Variants in PROS1 observed in about 807,000 individuals in gnomAD.
PROS1 encodes the protein vitamin K-dependent protein S.
A neutral mutation model predicts 75.9 loss-of-function variants in PROS1; 29 were observed. The ratio of observed to expected loss-of-function variants is 0.38; its 90% CI spans 0.28 to 0.52. The LOEUF is 0.52. Ranked by LOEUF, PROS1 falls within the 20% of genes least tolerant of loss-of-function variation. The pLI is 0.83. For missense variants in PROS1, 680 were observed against 810.3 expected (o/e 0.84, Z 1.95); for synonymous variants, 245 against 280.6 (o/e 0.87, Z 1.27).
chr3:93,928,864 T>C (rs1576199605), intron 1 of PROS1: 3 of 604,614 alleles, frequency 5.0e-6, no homozygotes, highest in East Asian at 1.4e-4. Flanking sequence ...GAAATAAACA[T>C]TATAAAGTGT....
Position 93,879,280 on chromosome 3 carries a change from A to G in PROS1, c.1527T>C (p.Asn509=). 1 of 1,614,084 alleles carries G rather than the reference A, an allele frequency of 6.2e-7. No individual in the cohort carries two copies. The highest frequency in any genetic ancestry group is 8.5e-7 in the Non-Finnish European group (1 of 1,179,960). Residue 509 remains asparagine, a synonymous_variant, in exon 13 of 15, where the codon AAT becomes AAC. Coordinates refer to ENST00000394236, the MANE Select transcript of PROS1 (RefSeq NM_000313.4). The part of the protein sequence containing the change: ...NVSSAEGWHV[N]VTLNIRPSTG... The stretch of plus-strand genomic sequence containing the variant: ...TGGATGGACGAATATTCAAGGTCAC[A>G]TTTACATGCCAACCCTCAGCACTGG...
intron 10 of PROS1, among the ~76,000 whole-genome samples, chr3:93,891,273 ACT>A (rs764934703): frequency 5.3e-5 from 8 of 152,146 alleles, no homozygotes; most frequent in Non-Finnish European, 1.2e-4. Flanking sequence ...GGCAGCAATG[ACT>A]CTATACTTCA....
At chr3:93,898,784 A>G (rs998992363) in intron 7 of PROS1, among the ~76,000 whole-genome samples, 4 of 152,092 alleles carry the variant, frequency 2.6e-5, no homozygotes, top group Non-Finnish European at 5.9e-5. Flanking sequence ...TATTTGAAAC[A>G]AAAATTAATT....
At position 93,910,642 on chromosome 3, in the gene PROS1, G is replaced by A; in HGVS notation, c.323C>T (p.Pro108Leu). The stretch of plus-strand genomic sequence containing the variant: ...ACCATTGACACAGCTTCTTAGGTCA[G>A]GATAAGCATTAGTTGACTGACGTGC... Reference protein sequence around the residue: ...TAARQSTNAYPDLRSCVNAIP... With the variant: ...TAARQSTNAYLDLRSCVNAIP... The change falls in exon 4 of 15, where the codon CCT (proline) becomes CTT (leucine). Residue 108 changes from proline (P) to leucine (L), a missense_variant. Physicochemically the swap from Pro to Leu is moderately conservative, Grantham distance 98. Coordinates refer to ENST00000394236, the MANE Select transcript of PROS1 (RefSeq NM_000313.4). The A allele has an allele frequency of 6.2e-7, 1 of 1,613,362 alleles. No homozygotes were observed. Among genetic ancestry groups the A allele is most frequent in the Non-Finnish European group, 8.5e-7 (1 of 1,179,468 alleles).
At chr3:93,945,563 T>C (rs1415787822) in intron 1 of PROS1, among the ~76,000 whole-genome samples, 1 of 152,136 alleles carries the variant, frequency 6.6e-6, no homozygotes, top group Non-Finnish European at 1.5e-5. Context: ...AAAAACCACA[T>C]GATTATCTCA....
intron 8 of PROS1, among the ~76,000 whole-genome samples, chr3:93,897,500 A>C (rs1484890961): frequency 6.6e-6 from 1 of 152,078 alleles, no homozygotes; most frequent in Non-Finnish European, 1.5e-5. Context: ...AAATACAGAA[A>C]TAATAAAGGA....
intron 3 of PROS1, among the ~76,000 whole-genome samples, chr3:93,915,496 C>T (rs1708831725): frequency 1.3e-5 from 2 of 152,270 alleles, no homozygotes; most frequent in South Asian, 4.1e-4. Flanking sequence ...TAAATTAATG[C>T]AGCCACACAG....
intron 1 of PROS1, among the ~76,000 whole-genome samples, chr3:93,936,539 A>G (rs1709186962): frequency 6.6e-6 from 1 of 152,202 alleles, no homozygotes; most frequent in Admixed American, 6.5e-5. Context: ...CCCTGTGCAC[A>G]CACCAAAGAA....
At chr3:93,909,934 A>T (rs2107176963) in intron 4 of PROS1, among the ~76,000 whole-genome samples, 1 of 152,314 alleles carries the variant, frequency 6.6e-6, no homozygotes, top group South Asian at 2.1e-4. Flanking sequence ...AAGATAAAGC[A>T]TGAATTAAAT....
intron 3 of PROS1, among the ~76,000 whole-genome samples, chr3:93,911,580 A>G (rs1346872215): frequency 6.6e-6 from 1 of 152,156 alleles, no homozygotes; most frequent in Non-Finnish European, 1.5e-5. Context: ...TCTGCTGCCA[A>G]TGGAGTCAAC....
intron 1 of PROS1, chr3:93,958,425 T>C (rs1280223458): frequency 6.6e-6 from 1 of 152,258 alleles, no homozygotes; most frequent in Admixed American, 6.5e-5. Flanking sequence ...CTACATTTGA[T>C]AAAATTCCAA....
chr3:93,893,172 T>A lies in PROS1; in HGVS notation c.966-50A>T, dbSNP rs778102014. On this transcript the variant is annotated intron_variant, in intron 9 of 14. Transcript: ENST00000394236. Reference sequence around the variant, plus strand: ...CTTAAGAGTAAGAAATACAGAAAGCTCAATGCATTATTCTTTTTTTCTTGT... The same window carrying A: ...CTTAAGAGTAAGAAATACAGAAAGCACAATGCATTATTCTTTTTTTCTTGT... The A allele has an allele frequency of 1.9e-5, 28 of 1,478,290 alleles. No homozygotes were observed. In the Admixed American group the frequency reaches 5.3e-4, roughly 28 times the overall value. The allele number at this position is 1,478,290 out of a possible 1,614,324, so 91.6% of individuals were successfully genotyped here.
At chr3:93,954,220 A>C (rs1309465711) in intron 1 of PROS1, among the ~76,000 whole-genome samples, 1 of 152,190 alleles carries the variant, frequency 6.6e-6, no homozygotes, top group African/African-American at 2.4e-5. Context: ...AACTGGAAGA[A>C]ACTACTTTGA....
In PROS1 at chr3:93,906,026, T is replaced by C. The variant is rs1307717640; in HGVS notation, c.464A>G (p.Glu155Gly). The C allele has an allele frequency of 1.2e-6, 2 of 1,614,084 alleles. No homozygotes were observed. Among genetic ancestry groups the C allele is most frequent in the Non-Finnish European group, 8.5e-7 (1 of 1,180,006 alleles). Residue 155 changes from glutamate to glycine, a missense_variant, in exon 5 of 15, where the codon GAA (glutamate) becomes GGA (glycine). Physicochemically the swap from Glu to Gly is moderately conservative, Grantham distance 98. Transcript: ENST00000394236. ...GCGGGGGTTATTATACGTACCAAAT[T>C]CACACTTTTCTCCTTGCCAACCTGG... is the stretch of plus-strand genomic sequence containing the variant. ...CKPGWQGEKC[E>G]FDINECKDPS... is the part of the protein sequence containing the mutation.
At chr3:93,931,584 G>T (rs1296319056) in intron 1 of PROS1, among the ~76,000 whole-genome samples, 1 of 152,134 alleles carries the variant, frequency 6.6e-6, no homozygotes, top group Non-Finnish European at 1.5e-5. Context: ...TTACTTTGGT[G>T]CCTCCATATT....
intron 13 of PROS1, 81 bp downstream of exon 13, chr3:93,879,082 C>A: frequency 7.4e-7 from 1 of 1,347,582 alleles, no homozygotes; most frequent in Non-Finnish European, 1.0e-6. Flanking sequence ...CAAAATAGTC[C>A]TTTGAGGTAA....
At position 93,966,825 on chromosome 3, in the gene PROS1, A is replaced by G. The variant is rs193217727; in HGVS notation, c.76+6849T>C. Among the ~76,000 whole-genome samples, 175 of 152,176 alleles carry G rather than the reference A, an allele frequency of 1.1e-3. 1 individual carries two copies. The East Asian group carries it at 0.014, about 12-fold the overall frequency. Reference sequence around the variant, plus strand: ...ACTCTGTTCCAAAAAAAAAAAAAAAAAAGAAGAAGGCAGCTCACAATCAGC... The same window carrying G: ...ACTCTGTTCCAAAAAAAAAAAAAAAGAAGAAGAAGGCAGCTCACAATCAGC... On this transcript the variant is annotated intron_variant, in intron 1 of 14. Transcript: ENST00000394236.
chr3:93,879,109 A>C, intron 13 of PROS1, 54 bp downstream of exon 13: 2 of 1,527,422 alleles, frequency 1.3e-6, no homozygotes, highest in South Asian at 1.2e-5. Flanking sequence ...CTATGTATAC[A>C]TTTTAAAAAA....
intron 4 of PROS1, 60 bp downstream of exon 4, chr3:93,910,559 G>T: frequency 7.5e-7 from 1 of 1,329,954 alleles, no homozygotes; most frequent in Admixed American, 1.8e-5. Context: ...TATTACCATG[G>T]GTGTACTTTA....
Sources: gnomAD v4.1 joint callset for allele counts (sites outside exome capture counted in the v4.1 genomes callset) on GRCh38, gnomAD v4.1.1 for gene constraint, MANE v1.5 for transcripts, NCBI Gene and HGNC (gene_info 2026-07-23, HGNC 2026-07-21) for gene names.